Variants in INF2 observed in about 807,000 individuals in gnomAD.
INF2 encodes the protein inverted formin 2.
Under a neutral mutation model 123.5 loss-of-function variants are expected in INF2, and 43 were observed. That is an observed-to-expected ratio of 0.35 (90% CI 0.27 to 0.45). INF2 has a LOEUF of 0.45. Ranked by LOEUF, INF2 falls within the 20% of genes least tolerant of loss-of-function variation. The pLI, the probability that INF2 is intolerant of heterozygous loss-of-function variation, is 1.00. For synonymous variants in INF2, 851 were observed against 745.0 expected, an observed-to-expected ratio of 1.14 and a Z score of -2.32; for missense variants, 1,453 against 1,682.7, an observed-to-expected ratio of 0.86 and a Z score of 2.39.
At chr14:104,709,589 G>T in intron 11 of INF2, 31 bp from the exon 12 acceptor site, 1 of 1,593,674 alleles carries the variant, frequency 6.3e-7, no homozygotes, top group Non-Finnish European at 8.6e-7. Context: ...CTGGCATGGG[G>T]GGATCCCACA....
At chr14:104,715,437 C>T (rs1890253995) in intron 22 of INF2, 97 bp downstream of exon 22, 1 of 1,163,260 alleles carries the variant, frequency 8.6e-7, no homozygotes, top group Admixed American at 1.7e-5. Flanking sequence ...ACTAACCTGG[C>T]TTCTCTCCAG....
intron 19 of INF2, 64 bp from the exon 20 acceptor site, chr14:104,713,381 C>A (rs1361357589): frequency 8.3e-6 from 13 of 1,572,098 alleles, no homozygotes; most frequent in Non-Finnish European, 1.1e-5. Context: ...CTCCCCACCA[C>A]CCCCAGCCCT....
At chr14:104,692,243 C>G (rs973259468) in intron 1 of INF2, among the ~76,000 whole-genome samples, 1 of 152,242 alleles carries the variant, frequency 6.6e-6, no homozygotes. Flanking sequence ...GACGTGGGTC[C>G]TGCAGGAGCG....
At chr14:104,701,041 G>A (rs1292864061) in intron 1 of INF2, among the ~76,000 whole-genome samples, 2 of 152,176 alleles carry the variant, frequency 1.3e-5, no homozygotes, top group African/African-American at 4.8e-5. Flanking sequence ...TCACTCTGCA[G>A]GGGCCGTGCT....
At chr14:104,707,213 G>A (rs1295666067) in intron 7 of INF2, 40 bp from the exon 8 acceptor site, 3 of 1,574,244 alleles carry the variant, frequency 1.9e-6, no homozygotes, top group African/African-American at 2.7e-5. Context: ...CTCCCTCTCC[G>A]GCTCCCTTCT....
intron 2 of INF2, 101 bp from the exon 3 acceptor site, chr14:104,703,004 C>T (rs1412360919): frequency 1.7e-5 from 16 of 929,846 alleles, no homozygotes; most frequent in Admixed American, 1.2e-4. Flanking sequence ...CACCCCCTGG[C>T]GTCTGCCTGC....
At chr14:104,695,981 C>T (rs1889173265) in intron 1 of INF2, among the ~76,000 whole-genome samples, 1 of 152,196 alleles carries the variant, frequency 6.6e-6, no homozygotes, top group African/African-American at 2.4e-5. Flanking sequence ...TGCTTGCTTT[C>T]TTCCTCAGTA....
intron 5 of INF2, chr14:104,704,477 G>A (rs1889681792): frequency 1.1e-5 from 2 of 189,022 alleles, no homozygotes; most frequent in South Asian, 2.3e-4. Flanking sequence ...CAGGAAGTGA[G>A]CGGTGGGCGG....
intron 22 of INF2, 23 bp from the exon 23 acceptor site, chr14:104,718,772 G>A (rs757942174): frequency 3.1e-6 from 5 of 1,612,624 alleles, no homozygotes; most frequent in Non-Finnish European, 3.4e-6. Context: ...TCCTAATAAT[G>A]TCATTTTTTC....
At chr14:104,717,926 C>T (rs570353231) in intron 22 of INF2, among the ~76,000 whole-genome samples, 3 of 152,338 alleles carry the variant, frequency 2.0e-5, no homozygotes, top group South Asian at 2.1e-4. Context: ...TGCAGTAATC[C>T]TTCACTGCCA....
At chr14:104,692,470 G>A (rs1889001180) in intron 1 of INF2, among the ~76,000 whole-genome samples, 1 of 152,206 alleles carries the variant, frequency 6.6e-6, no homozygotes, top group African/African-American at 2.4e-5. Context: ...GCTGGAGGCC[G>A]AGGCCCCCCA....
upstream of INF2, among the ~76,000 whole-genome samples, chr14:104,687,850 C>T (rs1555371711): frequency 6.6e-6 from 1 of 152,224 alleles, no homozygotes; most frequent in Non-Finnish European, 1.5e-5. The surrounding 1 kb of genome is among the most constrained non-coding windows in gnomAD (Gnocchi z 5.6). Context: ...TCAAAGCTCA[C>T]TCCCCACCAA....
Position 104,718,797 on chromosome 14 carries a change from C to T in INF2, c.*4C>T, listed in dbSNP as rs1219222949. The T allele has an allele frequency of 6.2e-7, 1 of 1,613,162 alleles. No individual in the cohort carries two copies. Among genetic ancestry groups the T allele is most frequent in the Admixed American group, 1.7e-5 (1 of 59,992 alleles). ...GTCATTTTTTCTCTCTCTTACAGGC[C>T]TCAGGCCCAGGCCCAAGGCCAAGTG... On this transcript the variant is annotated splice_region_variant and 3_prime_UTR_variant, in exon 23 of 23. Transcript: ENST00000392634.
At chr14:104,701,069 T>C (rs1595162983) in intron 1 of INF2, among the ~76,000 whole-genome samples, 1 of 152,272 alleles carries the variant, frequency 6.6e-6, no homozygotes, top group Non-Finnish European at 1.5e-5. Flanking sequence ...TGCTGCAGGT[T>C]TCTGAGCCGG....
Position 104,708,020 on chromosome 14 carries a change from C to T in INF2, c.1735+18C>T, listed in dbSNP as rs764135002. On this transcript the variant is annotated intron_variant, in intron 8 of 22. Coordinates refer to ENST00000392634, the MANE Select transcript of INF2 (RefSeq NM_022489.4). ...GGCACGTGGTGAGGGTCCCCAGACC[C>T]CCAAGGGAAGCTTCCCCTAGGACGG... 1.3e-6 allele frequency: 2 copies of T among 1,597,978 alleles called. No homozygotes were observed. Among genetic ancestry groups the T allele is most frequent in the African/African-American group, 2.7e-5 (2 of 74,924 alleles).
intron 16 of INF2, among the ~76,000 whole-genome samples, chr14:104,712,077 A>G (rs1890076723): frequency 6.6e-6 from 1 of 152,090 alleles, no homozygotes; most frequent in Non-Finnish European, 1.5e-5. Flanking sequence ...CCTGGGTCAC[A>G]CAACCCAGGC....
upstream of INF2, chr14:104,689,519 C>G (rs1166842088): frequency 1.9e-4 from 104 of 548,122 alleles, 1 homozygote; most frequent in African/African-American, 2.0e-3. Context: ...ACCTCCCCCC[C>G]CAGGCCCCGC....
At chr14:104,687,087 T>C (rs1888681690), upstream of INF2, among the ~76,000 whole-genome samples, 1 of 152,118 alleles carries the variant, frequency 6.6e-6, no homozygotes, top group South Asian at 2.1e-4. This position sits in a 1 kb window ranked among gnomAD's most constrained non-coding sequence, Gnocchi z 5.6. Context: ...TGTACCCGGC[T>C]CCGAGGAAGG....
rs748198931 is a variant in INF2, at chr14:104,708,468, C to G, written c.1768C>G (p.Pro590Ala). The G allele has an allele frequency of 6.2e-6, 10 of 1,612,418 alleles. No individual in the cohort carries two copies. The South Asian group carries it at 1.1e-4, about 18-fold the overall frequency. Residue 590 changes from proline to alanine, a missense_variant, in exon 9 of 23, where the codon CCC becomes GCC. Pro to Ala is a conservative substitution (Grantham distance 27, BLOSUM62 -1). This residue lies in a region of INF2 where 192 missense variants were observed against 274.4 expected (regional missense o/e 0.70). Coordinates refer to ENST00000392634, the MANE Select transcript of INF2 (RefSeq NM_022489.4). Reference sequence around the variant, plus strand: ...CTCTATGTGGGCGTCCCTGAGCAGCCCCGACGCCGAGGCTGTGGAGCCCGA... The same window carrying G: ...CTCTATGTGGGCGTCCCTGAGCAGCGCCGACGCCGAGGCTGTGGAGCCCGA... ...HNSMWASLSS[P>A]DAEAVEPDFS... is the part of the protein sequence containing the mutation.
Sources: allele counts gnomAD v4.1 joint callset (sites outside exome capture counted in the v4.1 genomes callset), GRCh38; gene constraint gnomAD v4.1.1; regional missense constraint gnomAD v4.1.1; non-coding constraint Gnocchi (gnomAD v3.1); transcripts MANE v1.5; gene names NCBI Gene and HGNC (gene_info 2026-07-23, HGNC 2026-07-21).